The following NCKAP5 variants were observed in gnomAD, a reference collection of about 807,000 sequenced individuals.
The protein encoded by NCKAP5 is NCK associated protein 5.
In NCKAP5, 92 loss-of-function variants were observed where a neutral mutation model predicts 167.0. That is an observed-to-expected ratio of 0.55 (90% CI 0.47 to 0.66). NCKAP5 has a LOEUF of 0.66. Ranked by LOEUF, NCKAP5 falls within the 30% of genes least tolerant of loss-of-function variation. NCKAP5 has a pLI of 0.00. For synonymous variants in NCKAP5, 891 were observed against 877.4 expected, an observed-to-expected ratio of 1.02 and a Z score of -0.27; for missense variants, 2,378 against 2,315.0, an observed-to-expected ratio of 1.03 and a Z score of -0.56.
At chr2:133,148,840 A>G (rs1471942113) in intron 5 of NCKAP5, among the ~76,000 whole-genome samples, 1 of 152,096 alleles carries the variant, frequency 6.6e-6, no homozygotes, top group African/African-American at 2.4e-5. Context: ...TCCAAATACC[A>G]TCACATTGGA....
intron 6 of NCKAP5, among the ~76,000 whole-genome samples, chr2:133,046,002 A>C (rs548593784): frequency 3.1e-4 from 47 of 152,342 alleles, no homozygotes; most frequent in African/African-American, 1.1e-3. Context: ...TACAGTGTAG[A>C]TATGCTGGAC....
chr2:133,176,260 C>T (rs564991198), intron 5 of NCKAP5, among the ~76,000 whole-genome samples: 1 of 152,222 alleles, frequency 6.6e-6, no homozygotes, highest in Non-Finnish European at 1.5e-5. Context: ...CCATGAAAAG[C>T]CACATCATAT....
At chr2:132,771,624 CA>C (rs1156727439) in intron 16 of NCKAP5, among the ~76,000 whole-genome samples, 1 of 151,892 alleles carries the variant, frequency 6.6e-6, no homozygotes, top group Admixed American at 6.6e-5. Context: ...GAGCAACCTC[CA>C]GTTCTATAAG....
At chr2:132,833,179 A>G (rs1687640268) in intron 11 of NCKAP5, among the ~76,000 whole-genome samples, 2 of 152,044 alleles carry the variant, frequency 1.3e-5, no homozygotes, top group South Asian at 4.1e-4. Context: ...CTTTTGAAAA[A>G]TGTCTATTCA....
At chr2:133,202,872 T>C (rs1386393836) in intron 5 of NCKAP5, among the ~76,000 whole-genome samples, 9 of 152,062 alleles carry the variant, frequency 5.9e-5, no homozygotes. Flanking sequence ...ATGGTGATCA[T>C]TAAAAAGTCA....
intron 4 of NCKAP5, among the ~76,000 whole-genome samples, chr2:133,269,286 G>C (rs2089401659): frequency 1.3e-5 from 2 of 152,184 alleles, no homozygotes; most frequent in South Asian, 4.1e-4. Flanking sequence ...GAGAAGACAA[G>C]TTAGAAAAGA....
intron 3 of NCKAP5, among the ~76,000 whole-genome samples, chr2:133,443,768 G>T (rs566803573): frequency 6.6e-6 from 1 of 152,152 alleles, no homozygotes; most frequent in Non-Finnish European, 1.5e-5. Flanking sequence ...ACTGGAAGAG[G>T]GGAGGAAAGG....
At chr2:132,860,123 G>C (rs1689777276) in intron 11 of NCKAP5, among the ~76,000 whole-genome samples, 2 of 152,178 alleles carry the variant, frequency 1.3e-5, no homozygotes, top group Non-Finnish European at 2.9e-5. Flanking sequence ...TAAAAAAAAT[G>C]TGCTTTGGCA....
Position 132,783,889 on chromosome 2 carries a change from C to T in NCKAP5, c.2922G>A (p.Leu974=). ...TARTPFKSPL[L]KGISAPVISS... Reference sequence around the variant, plus strand: ...AAATAACTGGAGCAGAAATTCCTTTCAGCAGCGGGGATTTGAATGGGGTCC... The same window carrying T: ...AAATAACTGGAGCAGAAATTCCTTTTAGCAGCGGGGATTTGAATGGGGTCC... Residue 974 remains leucine, a synonymous_variant, in exon 14 of 20, where the codon CTG becomes CTA. Transcript: ENST00000409261. 2 of 1,540,766 alleles carry T rather than the reference C, an allele frequency of 1.3e-6. No individual in the cohort carries two copies. The highest frequency in any genetic ancestry group is 1.3e-5 in the South Asian group (1 of 77,900).
chr2:133,237,728 G>T (rs1215706102), intron 4 of NCKAP5, among the ~76,000 whole-genome samples: 3 of 152,168 alleles, frequency 2.0e-5, no homozygotes, highest in Non-Finnish European at 4.4e-5. Context: ...CCCTTTAAAA[G>T]ATGTCTCACC....
At chr2:133,254,425 G>A (rs949566683) in intron 4 of NCKAP5, among the ~76,000 whole-genome samples, 1 of 152,086 alleles carries the variant, frequency 6.6e-6, no homozygotes, top group African/African-American at 2.4e-5. Context: ...ACGAGGCTGA[G>A]CCCTCAGGTG....
At chr2:133,097,794 G>C (rs1231268184) in intron 6 of NCKAP5, among the ~76,000 whole-genome samples, 2 of 152,134 alleles carry the variant, frequency 1.3e-5, no homozygotes, top group African/African-American at 2.4e-5. Context: ...CTACGACATA[G>C]AGAGGAAAGA....
At position 132,782,123 on chromosome 2, in the gene NCKAP5, TCACA is replaced by T; in HGVS notation, c.4684_4687del (p.Cys1562ArgfsTer36). 1 of 1,614,062 alleles carries T rather than the reference TCACA, an allele frequency of 6.2e-7. No individual in the cohort carries two copies. The highest frequency in any genetic ancestry group is 1.3e-5 in the African/African-American group (1 of 75,076). ...GTCCTTGATAAGCTCATTTTCTGTC[TCACA>T]CTGTAGTTCAGGCTTCTTTTTCTCT... On this transcript the variant is annotated frameshift_variant, in exon 14 of 20. Coordinates refer to ENST00000409261, the MANE Select transcript of NCKAP5 (RefSeq NM_207363.3). LOFTEE classifies it high-confidence loss of function.
intron 8 of NCKAP5, among the ~76,000 whole-genome samples, chr2:132,961,232 C>T (rs1385343319): frequency 6.6e-6 from 1 of 150,638 alleles, no homozygotes; most frequent in Non-Finnish European, 1.5e-5. Context: ...GAATATGGAG[C>T]AAATATTTTA....
chr2:132,789,890 G>C lies in NCKAP5; in HGVS notation c.1092+133C>G, dbSNP rs1048569707. On this transcript the variant is annotated intron_variant, in intron 13 of 19. Transcript: ENST00000409261. ...CTATAGCATTGATGAAAGGATGTCA[G>C]TATAATACATGAGCAGGTGCTCAGC... is the stretch of plus-strand genomic sequence containing the variant. 3 of 757,348 alleles carry C rather than the reference G, an allele frequency of 4.0e-6. No homozygotes were observed. In the South Asian group the frequency reaches 5.8e-5, roughly 15 times the overall value. 46.9% of individuals were successfully genotyped at this position (757,348 alleles called of 1,614,324 possible).
intron 7 of NCKAP5, among the ~76,000 whole-genome samples, chr2:132,973,714 C>T (rs923275073): frequency 6.6e-6 from 1 of 151,518 alleles, no homozygotes; most frequent in African/African-American, 2.4e-5. Context: ...TTCCCATTTC[C>T]TCACCTTCTT....
At chr2:133,644,650 A>G in the NCKAP5 span, among the ~76,000 whole-genome samples, 1 of 152,150 alleles carries the variant, frequency 6.6e-6, no homozygotes, top group Non-Finnish European at 1.5e-5. Flanking sequence ...AATATCCTTT[A>G]TATTTTAATT....
intron 5 of NCKAP5, among the ~76,000 whole-genome samples, chr2:133,155,855 C>G (rs1020803675): frequency 6.6e-6 from 1 of 152,204 alleles, no homozygotes; most frequent in East Asian, 1.9e-4. Flanking sequence ...TTTGGACTTA[C>G]CAAGCCTCTG....
chr2:133,078,537 C>A (rs1014035361), intron 6 of NCKAP5, among the ~76,000 whole-genome samples: 1 of 151,994 alleles, frequency 6.6e-6, no homozygotes, highest in Non-Finnish European at 1.5e-5. Context: ...AAGGGAAATA[C>A]GGGACTGGGG....
Sources: allele counts gnomAD v4.1 joint callset (sites outside exome capture counted in the v4.1 genomes callset), GRCh38; gene constraint gnomAD v4.1.1; transcripts MANE v1.5; gene names NCBI Gene and HGNC (gene_info 2026-07-23, HGNC 2026-07-21).